Variants in ABCA2 observed in about 807,000 individuals in gnomAD.
ABCA2 encodes ATP binding cassette subfamily A member 2, also known as ATP-binding cassette sub-family A member 2.
A neutral mutation model predicts 262.8 loss-of-function variants in ABCA2; 84 were observed. The observed-to-expected ratio is 0.32, with a 90% CI of 0.27 to 0.38. The LOEUF is 0.38. ABCA2 is among the 10% of genes least tolerant of loss of function. The pLI is 1.00. For synonymous variants in ABCA2, 1,696 were observed against 1,502.9 expected (o/e 1.13, Z -2.97); for missense variants, 2,662 against 3,405.9 (o/e 0.78, Z 5.44).
At position 137,012,007 on chromosome 9, in the gene ABCA2, G is replaced by A. The variant is rs748014329; in HGVS notation, c.5372C>T (p.Thr1791Met). 2.5e-6 allele frequency: 4 copies of A among 1,612,154 alleles called. No homozygotes were observed. The highest frequency in any genetic ancestry group is 1.6e-4 in the Middle Eastern group (1 of 6,082). The change falls in exon 35 of 49, where the codon ACG becomes ATG. Residue 1791 changes from threonine to methionine, a missense_variant. This residue lies in a region of ABCA2 where 602 missense variants were observed against 897.4 expected (regional missense o/e 0.67). Coordinates refer to ENST00000341511, the MANE Select transcript of ABCA2 (RefSeq NM_001606.5). ...GATGAAGATGGCGATGACGACATCC[G>A]TGCCCTGCAGCCTGGGGCAAGGAAG... ...SLSLDYLLQG[T>M]DVVIAIFIIV...
chr9:137,025,474 G>A (rs1369382507), intron 1 of ABCA2, among the ~76,000 whole-genome samples: 3 of 152,228 alleles, frequency 2.0e-5, no homozygotes, highest in Admixed American at 6.5e-5. Flanking sequence ...TGTGTGGCCC[G>A]GGCCGAGTCC....
rs1831437153 is a variant in ABCA2, at chr9:137,021,033, T to G, written c.926A>C (p.Asp309Ala). ...TGGGGGTGGCGCCTGTGGCGAGGAG[T>G]CCGAGCCGTTGGGGGCATCCAGGCC... Reference protein sequence around the residue: ...QLGLDAPNGSDSSPQAPPPRR... With the variant: ...QLGLDAPNGSASSPQAPPPRR... Residue 309 changes from aspartate to alanine, a missense_variant, in exon 9 of 49, where the codon GAC becomes GCC. Around this residue, in one of 12 missense-constraint regions of ABCA2, gnomAD observed 403 missense variants for 375.9 expected, o/e 1.07. Transcript: ENST00000341511. The surrounding 1 kb of genome is among the most constrained non-coding windows in gnomAD (Gnocchi z 6.0). 6.8e-7 allele frequency: 1 copy of G among 1,480,788 alleles called. No individual in the cohort carries two copies. Among genetic ancestry groups the G allele is most frequent in the Non-Finnish European group, 9.0e-7 (1 of 1,113,828 alleles). The allele number at this position is 1,480,788 out of a possible 1,614,324, so 91.7% of individuals were successfully genotyped here. A position where few individuals can be genotyped will look rare whatever the true frequency, so the allele number is the denominator to read the frequency against.
upstream of ABCA2, chr9:137,028,335 C>G (rs1191437422): frequency 3.3e-5 from 30 of 918,320 alleles, no homozygotes; most frequent in Non-Finnish European, 3.9e-5. This position sits in a 1 kb window ranked among gnomAD's most constrained non-coding sequence, Gnocchi z 6.9. Context: ...CCCGCCCCCG[C>G]TTAAAGGCGC....
rs776711308 is a variant in ABCA2, at chr9:137,020,802, C to T, written c.1157G>A (p.Gly386Asp). 1 of 1,578,942 alleles carries T rather than the reference C, an allele frequency of 6.3e-7. No homozygotes were observed. The highest frequency in any genetic ancestry group is 1.1e-5 in the South Asian group (1 of 87,834). The change falls in exon 9 of 49, where the codon GGC becomes GAC. Residue 386 changes from glycine to aspartate, a missense_variant. Gly to Asp is a moderately conservative substitution (Grantham distance 94). This residue lies in a region of ABCA2 where 403 missense variants were observed against 375.9 expected (regional missense o/e 1.07). Transcript: ENST00000341511. ...GGCCAGTGCTGCAGCAGAGGGTGCG[C>T]CCTCCTCAGCGGTGGCGTTGGGGCC... ...VMGPNATAEE[G>D]APSAAALATP...
In ABCA2 at chr9:137,012,749, A is replaced by T; in HGVS notation, c.5044T>A (p.Tyr1682Asn). 6.2e-7 allele frequency: 1 copy of T among 1,612,634 alleles called. No homozygotes were observed. The highest frequency in any genetic ancestry group is 8.5e-7 in the Non-Finnish European group (1 of 1,179,912). Residue 1682 changes from tyrosine to asparagine, a missense_variant, in exon 31 of 49, where the codon TAC becomes AAC. Around this residue, in one of 12 missense-constraint regions of ABCA2, gnomAD observed 602 missense variants for 897.4 expected, o/e 0.67. Coordinates refer to ENST00000341511, the MANE Select transcript of ABCA2 (RefSeq NM_001606.5). ...AAGCGGTCGGAGGTGAAGAGCAGGT[A>T]CTCAGAGACATTGTGGCCGGTGATG... ...TDITGHNVSE[Y>N]LLFTSDRFRL...
In ABCA2 at chr9:137,009,025, G is replaced by T; in HGVS notation, c.6856C>A (p.Arg2286=). ...TTCACACTCTGGCTGCTCTTGGTCC[G>T]CACCGTGATCATGTAGCCATCTCCA... is the stretch of plus-strand genomic sequence containing the variant. ...RFGDGYMITV[R]TKSSQSVKDV... The change falls in exon 46 of 49, where the codon CGG becomes AGG. Residue 2286 remains arginine (R), a synonymous_variant. Coordinates refer to ENST00000341511, the MANE Select transcript of ABCA2 (RefSeq NM_001606.5). The T allele has an allele frequency of 1.2e-6, 2 of 1,608,276 alleles. No homozygotes were observed. Among genetic ancestry groups the T allele is most frequent in the Non-Finnish European group, 1.7e-6 (2 of 1,179,698 alleles).
rs1040410817 is a variant in ABCA2, at chr9:137,011,313, C to G, written c.5800-4G>C. Reference sequence around the variant, plus strand: ...AACTGTTGACAACCTTCAGGTCCTGCGGGGTGGCCGGGGTCAGGGGCACAG... The same window carrying G: ...AACTGTTGACAACCTTCAGGTCCTGGGGGGTGGCCGGGGTCAGGGGCACAG... On this transcript the variant is annotated splice_region_variant and splice_polypyrimidine_tract_variant and intron_variant, in intron 37 of 48. Transcript: ENST00000341511. This position sits in a 1 kb window ranked among gnomAD's most constrained non-coding sequence, Gnocchi z 8.8. 1 of 1,605,108 alleles carries G rather than the reference C, an allele frequency of 6.2e-7. No homozygotes were observed. The highest frequency in any genetic ancestry group is 8.5e-7 in the Non-Finnish European group (1 of 1,175,606).
rs897452197 is a variant in ABCA2, at chr9:137,028,188, G to A, written c.-48C>T. The stretch of plus-strand genomic sequence containing the variant: ...TCAGCGCCGCGGCCCGCTCCTCTGC[G>A]CGCCCCGCCGGGCCCCGCAGCCCGC... On this transcript the variant is annotated 5_prime_UTR_variant, in exon 1 of 49. Transcript: ENST00000341511. This position sits in a 1 kb window ranked among gnomAD's most constrained non-coding sequence, Gnocchi z 6.9. 1.4e-5 allele frequency: 14 copies of A among 980,180 alleles called. No individual in the cohort carries two copies. The highest frequency in any genetic ancestry group is 1.8e-5 in the African/African-American group (1 of 56,502). The allele number at this position is 980,180 out of a possible 1,614,324, so 60.7% of individuals were successfully genotyped here.
chr9:137,020,795 G>T lies in ABCA2; in HGVS notation c.1164C>A (p.Pro388=). 2 of 1,585,048 alleles carry T rather than the reference G, an allele frequency of 1.3e-6. No individual in the cohort carries two copies. ...GPNATAEEGA[P]SAAALATPDT... Reference sequence around the variant, plus strand: ...CCGGGGTGGCCAGTGCTGCAGCAGAGGGTGCGCCCTCCTCAGCGGTGGCGT... The same window carrying T: ...CCGGGGTGGCCAGTGCTGCAGCAGATGGTGCGCCCTCCTCAGCGGTGGCGT... Residue 388 remains proline, a synonymous_variant, in exon 9 of 49, where the codon CCC becomes CCA. Transcript: ENST00000341511.
At position 137,022,033 on chromosome 9, in the gene ABCA2, GT is replaced by G. The variant is rs377333456; in HGVS notation, c.568-33del. On this transcript the variant is annotated intron_variant, in intron 6 of 48. Transcript: ENST00000341511. ...GGTGTGGGGGAATGGCTCAGATGGG[GT>G]GTGGGGGGCGTGGCTCAGATGGTGG... The G allele has an allele frequency of 1.8e-3, 2,448 of 1,343,196 alleles. 118 individuals are homozygous for G. The highest frequency in any genetic ancestry group is 2.7e-3 in the African/African-American group (173 of 63,244). 83.2% of individuals were successfully genotyped at this position (1,343,196 alleles called of 1,614,324 possible). A position where few individuals can be genotyped will look rare whatever the true frequency, so the allele number is the denominator to read the frequency against.
chr9:137,026,432 T>C (rs1261188080), intron 1 of ABCA2, among the ~76,000 whole-genome samples: 1 of 152,124 alleles, frequency 6.6e-6, no homozygotes, highest in Non-Finnish European at 1.5e-5. Context: ...AGCAGGAGTG[T>C]GCCCAGTGTC....
Position 137,020,842 on chromosome 9 carries a change from C to G in ABCA2, c.1117G>C (p.Ala373Pro). The G allele has an allele frequency of 6.5e-7, 1 of 1,548,974 alleles. No homozygotes were observed. The highest frequency in any genetic ancestry group is 8.7e-7 in the Non-Finnish European group (1 of 1,145,612). ...GCGTTGGGGCCCATGACTGCCCCTG[C>G]CCCAGTGCCATTGGCCGCCCCACCC... is the stretch of plus-strand genomic sequence containing the variant. The part of the protein sequence containing the change: ...GAGGAANGTG[A>P]GAVMGPNATA... The change falls in exon 9 of 49, where the codon GCA becomes CCA. Residue 373 changes from alanine to proline, a missense_variant. By Grantham distance (27) the Ala-to-Pro change is conservative. Coordinates refer to ENST00000341511, the MANE Select transcript of ABCA2 (RefSeq NM_001606.5).
chr9:137,007,863 G>A lies in ABCA2; in HGVS notation c.*66C>T. 1 of 1,593,506 alleles carries A rather than the reference G, an allele frequency of 6.3e-7. No individual in the cohort carries two copies. The highest frequency in any genetic ancestry group is 2.2e-5 in the East Asian group (1 of 44,490). On this transcript the variant is annotated 3_prime_UTR_variant, in exon 49 of 49. Coordinates refer to ENST00000341511, the MANE Select transcript of ABCA2 (RefSeq NM_001606.5). ...GCACTGGGGGACTTCTGTCCCCATT[G>A]TTGAGTCCCTGGCCCAGCTCTGGGT...
In ABCA2 at chr9:137,011,906, G is replaced by A; in HGVS notation, c.5473C>T (p.Leu1825=). The change falls in exon 35 of 49, where the codon CTG becomes TTG. Residue 1825 remains leucine, a synonymous_variant. Transcript: ENST00000341511. This position sits in a 1 kb window ranked among gnomAD's most constrained non-coding sequence, Gnocchi z 8.8. ...GGGTTGCAGCCGCTGACAAACTGCA[G>A]GTGCTTGGCCTTGGTGGACTTCTCG... ...VAEKSTKAKH[L]QFVSGCNPII... 1.2e-6 allele frequency: 2 copies of A among 1,612,408 alleles called. No homozygotes were observed. Among genetic ancestry groups the A allele is most frequent in the Non-Finnish European group, 1.7e-6 (2 of 1,179,808 alleles).
intron 42 of ABCA2, 39 bp from the exon 43 acceptor site, chr9:137,009,942 C>T (rs774767724): frequency 2.5e-6 from 4 of 1,597,874 alleles, no homozygotes; most frequent in South Asian, 1.1e-5. Flanking sequence ...GGCAGGGCCA[C>T]CCAGCGTGCT....
chr9:137,024,008 A>G, intron 2 of ABCA2, 135 bp downstream of exon 2: 1 of 1,524,778 alleles, frequency 6.6e-7, no homozygotes, highest in Non-Finnish European at 8.8e-7. Flanking sequence ...ACGGCCCAGG[A>G]CCACACAGGG....
At position 137,014,261 on chromosome 9, in the gene ABCA2, G is replaced by C. The variant is rs752882542; in HGVS notation, c.4147C>G (p.Arg1383Gly). ...LQSASSVGSARGDEGAGYTDV... is the reference protein window; with the variant it reads ...LQSASSVGSAGGDEGAGYTDV... ...GTGTAGCCAGCTCCCTCGTCGCCAC[G>C]GGCAGAGCCCACAGATGACGCCGAC... Residue 1383 changes from arginine (R) to glycine (G), a missense_variant, in exon 27 of 49, where the codon CGT becomes GGT. Coordinates refer to ENST00000341511, the MANE Select transcript of ABCA2 (RefSeq NM_001606.5). 2 of 1,610,800 alleles carry C rather than the reference G, an allele frequency of 1.2e-6. No individual in the cohort carries two copies. Among genetic ancestry groups the C allele is most frequent in the South Asian group, 2.2e-5 (2 of 90,708 alleles).
chr9:137,010,358 C>T lies in ABCA2; in HGVS notation c.6188G>A (p.Arg2063Gln), dbSNP rs762877942. The part of the protein sequence containing the change: ...IENLTKVYKS[R>Q]KIGRILAVDR... ...AACGGCCAGGATACGGCCAATCTTC[C>T]GGGACTTGTAGACCTGGCCAGGAGC... Residue 2063 changes from arginine (R) to glutamine (Q), a missense_variant, in exon 41 of 49, where the codon CGG becomes CAG. By Grantham distance (43) the Arg-to-Gln change is conservative. This residue lies in a region of ABCA2 where 602 missense variants were observed against 897.4 expected (regional missense o/e 0.67). Coordinates refer to ENST00000341511, the MANE Select transcript of ABCA2 (RefSeq NM_001606.5). 2.0e-5 allele frequency: 31 copies of T among 1,573,302 alleles called. No individual in the cohort carries two copies. Among genetic ancestry groups the T allele is most frequent in the East Asian group, 4.7e-5 (2 of 42,714 alleles).
Position 137,028,096 on chromosome 9 carries a change from C to G in ABCA2, c.45G>C (p.Val15=), listed in dbSNP as rs1412406043. ...TCACCGGGCTCCGGCGTTTGAGCGT[C>G]ACGTTCTTCCAGAGCAGCAGCTGCA... ...HQLQLLLWKN[V]TLKRRSPWVL... is the part of the protein sequence containing the mutation. Residue 15 remains valine, a synonymous_variant, in exon 1 of 49, where the codon GTG becomes GTC. Coordinates refer to ENST00000341511, the MANE Select transcript of ABCA2 (RefSeq NM_001606.5). This position sits in a 1 kb window ranked among gnomAD's most constrained non-coding sequence, Gnocchi z 6.9. The G allele has an allele frequency of 2.1e-5, 21 of 989,334 alleles. No individual in the cohort carries two copies. Among genetic ancestry groups the G allele is most frequent in the Non-Finnish European group, 2.4e-5 (20 of 832,484 alleles). 61.3% of individuals were successfully genotyped at this position (989,334 alleles called of 1,614,324 possible).
Sources: gnomAD v4.1 joint callset for allele counts (sites outside exome capture counted in the v4.1 genomes callset) on GRCh38, gnomAD v4.1.1 for gene constraint, gnomAD v4.1.1 regional missense constraint, Gnocchi (gnomAD v3.1) non-coding constraint, MANE v1.5 for transcripts, NCBI Gene and HGNC (gene_info 2026-07-23, HGNC 2026-07-21) for gene names.